ATP8A1: variants seen among roughly 807,000 people sequenced by gnomAD.
ATP8A1 encodes the protein ATPase phospholipid transporting 8A1, also known as phospholipid-transporting ATPase IA.
ATP8A1 carries 90 observed loss-of-function variants against 177.7 expected under a neutral mutation model. That is an observed-to-expected ratio of 0.51 (90% confidence interval 0.43 to 0.60). The LOEUF (loss-of-function observed/expected upper bound fraction) is 0.60, where lower values mean the gene tolerates loss of function less well. ATP8A1 is among the 20% of genes least tolerant of loss of function. ATP8A1 has a pLI of 0.00. For synonymous variants in ATP8A1, 493 were observed against 485.9 expected, an observed-to-expected ratio of 1.01 and a Z score of -0.19; for missense variants, 1,072 against 1,392.8, an observed-to-expected ratio of 0.77 and a Z score of 3.67.
intron 24 of ATP8A1, among the ~76,000 whole-genome samples, chr4:42,494,023 G>A (rs1722992320): frequency 1.3e-5 from 2 of 151,832 alleles, no homozygotes; most frequent in Non-Finnish European, 2.9e-5. Context: ...CCAACATGGT[G>A]AAACCCCTTC....
chr4:42,503,472 A>G lies in ATP8A1; in HGVS notation c.2129T>C (p.Val710Ala). 1 of 1,607,846 alleles carries G rather than the reference A, an allele frequency of 6.2e-7. No homozygotes were observed. The highest frequency in any genetic ancestry group is 8.5e-7 in the Non-Finnish European group (1 of 1,175,846). Residue 710 changes from valine to alanine, a missense_variant, in exon 24 of 37, where the codon GTT becomes GCT. By Grantham distance (64) the Val-to-Ala change is moderately conservative. Transcript: ENST00000381668. ...KLLKKNMGMI[V>A]INEGSLDGTR... Reference sequence around the variant, plus strand: ...TACATCAAGAGAGCCTTCATTTATAACAATCATTCCCATGTTCTTCTTCAA... The same window carrying G: ...TACATCAAGAGAGCCTTCATTTATAGCAATCATTCCCATGTTCTTCTTCAA...
At position 42,412,558 on chromosome 4, in the gene ATP8A1, T is replaced by G. The variant is rs950054292; in HGVS notation, c.*358A>C. The G allele has an allele frequency of 1.0e-4, 17 of 162,810 alleles. No individual in the cohort carries two copies. Among genetic ancestry groups the G allele is most frequent in the Non-Finnish European group, 2.1e-4 (16 of 75,228 alleles). 10.1% of individuals were successfully genotyped at this position (162,810 alleles called of 1,614,324 possible). A position where few individuals can be genotyped will look rare whatever the true frequency, so the allele number is the denominator to read the frequency against. On this transcript the variant is annotated 3_prime_UTR_variant, in exon 37 of 37. Transcript: ENST00000381668. ...TCATTTAGAGTTTTTTAATGGTTGGTTACCTTGTGGTACAGCCAATAAACT... is the reference window on the plus strand; with the variant it reads ...TCATTTAGAGTTTTTTAATGGTTGGGTACCTTGTGGTACAGCCAATAAACT...
chr4:42,436,485 T>C (rs1004361229), intron 33 of ATP8A1, among the ~76,000 whole-genome samples: 2 of 152,184 alleles, frequency 1.3e-5, no homozygotes, highest in Non-Finnish European at 2.9e-5. Context: ...CCTTTTCCTC[T>C]CAGCATTTCC....
In ATP8A1 at chr4:42,409,690, T is replaced by C. The variant is rs1712381385; in HGVS notation, c.*3226A>G. On this transcript the variant is annotated 3_prime_UTR_variant, in exon 37 of 37. Coordinates refer to ENST00000381668, the MANE Select transcript of ATP8A1 (RefSeq NM_006095.2). ...TGACATTGTCATAATTTTAAAACTA[T>C]GAATAATACAATCTATTACTTTCTG... 1 of 152,190 alleles carries C rather than the reference T, an allele frequency of 6.6e-6. No individual in the cohort carries two copies. The highest frequency in any genetic ancestry group is 2.4e-5 in the African/African-American group (1 of 41,472). 9.4% of individuals were successfully genotyped at this position (152,190 alleles called of 1,614,324 possible). A position where few individuals can be genotyped will look rare whatever the true frequency, so the allele number is the denominator to read the frequency against.
intron 22 of ATP8A1, among the ~76,000 whole-genome samples, chr4:42,519,126 C>T (rs1183382997): frequency 2.0e-5 from 3 of 152,152 alleles, no homozygotes; most frequent in African/African-American, 4.8e-5. Context: ...CTCACTCTGT[C>T]ACCCAGGCTG....
rs898510392 is a variant in ATP8A1, at chr4:42,408,539, C to T, written c.*4377G>A. The T allele has an allele frequency of 2.6e-5, 4 of 152,158 alleles. No individual in the cohort carries two copies. The highest frequency in any genetic ancestry group is 9.6e-5 in the African/African-American group (4 of 41,452). 9.4% of individuals were successfully genotyped at this position (152,158 alleles called of 1,614,324 possible). ...TAACTATAAAACACAGTGCATCAAA[C>T]ATCAAGATAAACAAACCTGAGAAAA... On this transcript the variant is annotated 3_prime_UTR_variant, in exon 37 of 37. Transcript: ENST00000381668.
intron 5 of ATP8A1, among the ~76,000 whole-genome samples, chr4:42,603,386 T>C (rs990748100): frequency 2.0e-5 from 3 of 152,240 alleles, no homozygotes; most frequent in Non-Finnish European, 2.9e-5. Context: ...TAGAAATGCA[T>C]TAAATTTTTG....
At chr4:42,601,939 A>T (rs1359407442) in intron 5 of ATP8A1, among the ~76,000 whole-genome samples, 1 of 152,138 alleles carries the variant, frequency 6.6e-6, no homozygotes, top group Non-Finnish European at 1.5e-5. Context: ...AAATTATTTA[A>T]ATTAAAATAT....
chr4:42,542,675 G>A (rs186260214), intron 20 of ATP8A1, among the ~76,000 whole-genome samples: 1 of 152,216 alleles, frequency 6.6e-6, no homozygotes, highest in African/African-American at 2.4e-5. Flanking sequence ...TTATGAGTGA[G>A]AACATGCGAT....
Position 42,575,700 on chromosome 4 carries a change from C to T in ATP8A1, c.1129-1G>A. ...TGGGTTCATAGTGCATGTCAAGATCCTTTAATAAAATTAAGTAAATCATTG... is the reference window on the plus strand; with the variant it reads ...TGGGTTCATAGTGCATGTCAAGATCTTTTAATAAAATTAAGTAAATCATTG... On this transcript the variant is annotated splice_acceptor_variant, in intron 12 of 36. Coordinates refer to ENST00000381668, the MANE Select transcript of ATP8A1 (RefSeq NM_006095.2). LOFTEE classifies it high-confidence loss of function. The T allele has an allele frequency of 6.2e-7, 1 of 1,611,732 alleles. No homozygotes were observed. The highest frequency in any genetic ancestry group is 8.5e-7 in the Non-Finnish European group (1 of 1,178,542).
Position 42,569,215 on chromosome 4 carries a change from GC to G in ATP8A1, c.1296-11del. 6.2e-7 allele frequency: 1 copy of G among 1,602,898 alleles called. No homozygotes were observed. Among genetic ancestry groups the G allele is most frequent in the Non-Finnish European group, 8.5e-7 (1 of 1,173,960 alleles). ...AGGTTCAGGGACATGGCTTCAGAAA[GC>G]AAGAAGAGAGGCAGAAAGAGAGGAA... On this transcript the variant is annotated splice_polypyrimidine_tract_variant and intron_variant, in intron 14 of 36. Coordinates refer to ENST00000381668, the MANE Select transcript of ATP8A1 (RefSeq NM_006095.2).
At chr4:42,630,796 T>G (rs1316659338) in intron 1 of ATP8A1, among the ~76,000 whole-genome samples, 1 of 152,186 alleles carries the variant, frequency 6.6e-6, no homozygotes, top group South Asian at 2.1e-4. Flanking sequence ...TATAGTCGAA[T>G]GAACAGTATT....
Position 42,600,477 on chromosome 4 carries a change from C to T in ATP8A1, c.450+1G>A. ...GGAACAAAATAAAAATCAGTGCATA[C>T]CTTTTCCCAGTGGACAATTTCCCAA... On this transcript the variant is annotated splice_donor_variant, in intron 6 of 36. Transcript: ENST00000381668. LOFTEE classifies it high-confidence loss of function. The T allele has an allele frequency of 6.2e-7, 1 of 1,610,378 alleles. No individual in the cohort carries two copies. Among genetic ancestry groups the T allele is most frequent in the Non-Finnish European group, 8.5e-7 (1 of 1,178,492 alleles).
intron 36 of ATP8A1, among the ~76,000 whole-genome samples, chr4:42,414,139 T>C (rs1405224975): frequency 6.6e-6 from 1 of 152,260 alleles, no homozygotes; most frequent in Non-Finnish European, 1.5e-5. Context: ...ATACATTTAC[T>C]ACAGGGCTTT....
chr4:42,497,054 G>A (rs1190751818), intron 24 of ATP8A1, among the ~76,000 whole-genome samples: 1 of 152,170 alleles, frequency 6.6e-6, no homozygotes, highest in Non-Finnish European at 1.5e-5. Flanking sequence ...AATGAAACAA[G>A]TTAATAAGTT....
chr4:42,555,093 C>G (rs886231015), intron 16 of ATP8A1, among the ~76,000 whole-genome samples: 5 of 77,038 alleles, frequency 6.5e-5, no homozygotes, highest in African/African-American at 1.1e-4. Flanking sequence ...GTGTATCTAT[C>G]TATCTATCTA....
At chr4:42,461,521 C>T (rs1253637676) in intron 27 of ATP8A1, among the ~76,000 whole-genome samples, 2 of 152,174 alleles carry the variant, frequency 1.3e-5, no homozygotes, top group African/African-American at 4.8e-5. Context: ...TAAGACGTGA[C>T]TTGTTCCTCC....
intron 15 of ATP8A1, among the ~76,000 whole-genome samples, chr4:42,562,855 C>CAT (rs1730981899): frequency 6.6e-6 from 1 of 152,236 alleles, no homozygotes; most frequent in Non-Finnish European, 1.5e-5. Flanking sequence ...CTCTTCCTTG[C>CAT]TTTCTGCCAT....
At chr4:42,549,132 G>T in intron 18 of ATP8A1, 70 bp from the exon 19 acceptor site, 2 of 1,315,460 alleles carry the variant, frequency 1.5e-6, no homozygotes, top group South Asian at 1.3e-5. Context: ...ATAAATCCTA[G>T]CCATAAAATT....
Sources: gnomAD v4.1 joint callset for allele counts (sites outside exome capture counted in the v4.1 genomes callset) on GRCh38, gnomAD v4.1.1 for gene constraint, MANE v1.5 for transcripts, NCBI Gene and HGNC (gene_info 2026-07-23, HGNC 2026-07-21) for gene names.